COL19A1: variants seen among roughly 807,000 people sequenced by gnomAD.
The protein encoded by COL19A1 is collagen alpha-1(XIX) chain.
In COL19A1, 159 loss-of-function variants were observed where a neutral mutation model predicts 190.2. The ratio of observed to expected loss-of-function variants is 0.84; its 90% CI spans 0.73 to 0.95. The LOEUF (loss-of-function observed/expected upper bound fraction) is 0.95. Ranked by LOEUF, COL19A1 falls within the 40% of genes least tolerant of loss-of-function variation. COL19A1 has a pLI of 0.00. For missense variants in COL19A1, 1,418 were observed against 1,431.9 expected (o/e 0.99, Z 0.16); for synonymous variants, 509 against 458.9 (o/e 1.11, Z -1.39).
intron 49 of COL19A1, among the ~76,000 whole-genome samples, chr6:70,201,248 C>T (rs1767531245): frequency 6.6e-6 from 1 of 152,162 alleles, no homozygotes; most frequent in African/African-American, 2.4e-5. Flanking sequence ...AGGAAAACAG[C>T]TCTGGAACTG....
chr6:69,956,801 A>G (rs1774449202), intron 9 of COL19A1, among the ~76,000 whole-genome samples: 1 of 152,134 alleles, frequency 6.6e-6, no homozygotes, highest in South Asian at 2.1e-4. Context: ...ATGGGGAAGT[A>G]TGATATATTT....
At chr6:69,917,341 G>A (rs1034762067) in intron 4 of COL19A1, among the ~76,000 whole-genome samples, 1 of 152,074 alleles carries the variant, frequency 6.6e-6, no homozygotes, top group African/African-American at 2.4e-5. Context: ...CCACGTTAAG[G>A]CCTTATGCAA....
intron 11 of COL19A1, among the ~76,000 whole-genome samples, chr6:69,988,058 C>T (rs1171963146): frequency 6.6e-6 from 1 of 152,064 alleles, no homozygotes; most frequent in African/African-American, 2.4e-5. Context: ...CACTATTGAC[C>T]CTGCTGTAAG....
intron 23 of COL19A1, among the ~76,000 whole-genome samples, chr6:70,143,608 C>T (rs375965061): frequency 1.3e-5 from 2 of 152,110 alleles, no homozygotes; most frequent in East Asian, 3.9e-4. Flanking sequence ...ACCGCTTGAG[C>T]CTCTCCTGTC....
intron 24 of COL19A1, 45 bp downstream of exon 24, chr6:70,144,308 G>A: frequency 6.7e-7 from 1 of 1,498,606 alleles, no homozygotes; most frequent in Non-Finnish European, 9.1e-7. Context: ...GTAGATAGGA[G>A]GAAGAGACAG....
intron 15 of COL19A1, among the ~76,000 whole-genome samples, chr6:70,099,856 G>A (rs1783515202): frequency 6.6e-6 from 1 of 152,142 alleles, no homozygotes; most frequent in Non-Finnish European, 1.5e-5. Flanking sequence ...CCCTCTTCCA[G>A]CATGCACACT....
intron 11 of COL19A1, among the ~76,000 whole-genome samples, chr6:70,018,741 G>A (rs1437452758): frequency 6.6e-6 from 1 of 152,088 alleles, no homozygotes; most frequent in Admixed American, 6.6e-5. Flanking sequence ...TTTGAGCTAC[G>A]TATCATTGTG....
At chr6:70,118,136 C>T (rs1045426914) in intron 16 of COL19A1, among the ~76,000 whole-genome samples, 5 of 152,132 alleles carry the variant, frequency 3.3e-5, no homozygotes, top group Admixed American at 6.5e-5. Flanking sequence ...TGGTAGTCTG[C>T]AGGATAGACA....
intron 11 of COL19A1, among the ~76,000 whole-genome samples, chr6:70,008,731 G>T (rs1411892313): frequency 1.3e-5 from 2 of 151,724 alleles, no homozygotes; most frequent in African/African-American, 4.8e-5. Context: ...CCTCAGAAAA[G>T]TCCATAGGCC....
intron 9 of COL19A1, among the ~76,000 whole-genome samples, chr6:69,956,718 T>C (rs1774444319): frequency 6.6e-6 from 1 of 152,088 alleles, no homozygotes; most frequent in Non-Finnish European, 1.5e-5. Context: ...ATTCCACTTC[T>C]GATATTTCTT....
intron 15 of COL19A1, among the ~76,000 whole-genome samples, chr6:70,077,935 T>C (rs1161683500): frequency 1.3e-5 from 2 of 152,354 alleles, no homozygotes; most frequent in Admixed American, 6.5e-5. Flanking sequence ...TGTTCTGCCA[T>C]ATTGAAGGCC....
At chr6:69,921,431 T>TC (rs1771854416) in intron 4 of COL19A1, among the ~76,000 whole-genome samples, 1 of 127,676 alleles carries the variant, frequency 7.8e-6, no homozygotes, top group African/African-American at 3.4e-5. Context: ...ATATATCATA[T>TC]ATATCATATA....
chr6:69,941,715 G>T (rs1201411144), intron 9 of COL19A1, among the ~76,000 whole-genome samples: 1 of 143,752 alleles, frequency 7.0e-6, no homozygotes, highest in Admixed American at 7.0e-5. Context: ...TTTAGACAGA[G>T]ACTTGCTCTG....
intron 6 of COL19A1, 146 bp downstream of exon 6, chr6:69,929,846 G>C: frequency 1.4e-6 from 1 of 710,086 alleles, no homozygotes; most frequent in Non-Finnish European, 2.2e-6. Context: ...TCAGATGTGT[G>C]AAGAACAGCT....
intron 14 of COL19A1, among the ~76,000 whole-genome samples, chr6:70,061,194 T>C (rs549005110): frequency 6.6e-6 from 1 of 152,288 alleles, no homozygotes; most frequent in South Asian, 2.1e-4. Context: ...TTTTCTACAG[T>C]TGATTGATCT....
chr6:69,911,443 T>C (rs752467098), intron 4 of COL19A1, among the ~76,000 whole-genome samples: 16 of 152,182 alleles, frequency 1.1e-4, no homozygotes, highest in Admixed American at 8.5e-4. Flanking sequence ...TAATAAAATA[T>C]TCAAATAATT....
intron 9 of COL19A1, among the ~76,000 whole-genome samples, chr6:69,949,685 T>C (rs959343059): frequency 6.6e-6 from 1 of 151,920 alleles, no homozygotes; most frequent in Non-Finnish European, 1.5e-5. Flanking sequence ...CAGGGCTTTG[T>C]ATCCCACATT....
At chr6:70,190,684 T>G (rs1471062493) in intron 48 of COL19A1, among the ~76,000 whole-genome samples, 1 of 152,202 alleles carries the variant, frequency 6.6e-6, no homozygotes, top group Non-Finnish European at 1.5e-5. Flanking sequence ...CCTCCTTAGT[T>G]TTCTCTTTTA....
intron 11 of COL19A1, among the ~76,000 whole-genome samples, chr6:69,982,821 A>C (rs919960652): frequency 2.0e-5 from 3 of 150,858 alleles, no homozygotes; most frequent in African/African-American, 7.3e-5. Flanking sequence ...AAATACAAAA[A>C]ATTAGCCGGG....
Sources: gnomAD v4.1 joint callset for allele counts (sites outside exome capture counted in the v4.1 genomes callset) on GRCh38, gnomAD v4.1.1 for gene constraint, MANE v1.5 for transcripts, NCBI Gene and HGNC (gene_info 2026-07-23, HGNC 2026-07-21) for gene names.